Variants in IHO1 observed in about 807,000 individuals in gnomAD.
IHO1 encodes interactor of HORMAD1 protein 1.
A neutral mutation model predicts 31.0 loss-of-function variants in IHO1; 13 were observed. That is an observed-to-expected ratio of 0.42 (90% CI 0.27 to 0.67). IHO1 has a LOEUF of 0.67. Ranked by LOEUF, IHO1 falls within the 30% of genes least tolerant of loss-of-function variation. The pLI is 0.24. For missense variants in IHO1, 599 were observed against 687.5 expected (o/e 0.87, Z 1.44); for synonymous variants, 221 against 248.4 (o/e 0.89, Z 1.04).
intron 2 of IHO1, 70 bp from the exon 3 acceptor site, chr3:49,236,478 G>T: frequency 1.7e-6 from 2 of 1,162,068 alleles, no homozygotes; most frequent in Middle Eastern, 2.4e-4. Flanking sequence ...GAAATGGACA[G>T]CTGTGAACTA....
intron 2 of IHO1, among the ~76,000 whole-genome samples, chr3:49,214,632 A>ATTTTTTTTTT (rs3083884): frequency 5.8e-4 from 3 of 5,188 alleles, no homozygotes; most frequent in Non-Finnish European, 9.7e-4. Flanking sequence ...ATATATATAT[A>ATTTTTTTTTT]TTTTTTTTTT....
At chr3:49,225,629 C>A (rs2046408362) in intron 2 of IHO1, among the ~76,000 whole-genome samples, 1 of 152,152 alleles carries the variant, frequency 6.6e-6, no homozygotes, top group South Asian at 2.1e-4. Flanking sequence ...CCAGCTTTGG[C>A]TAATATATCC....
upstream of IHO1, among the ~76,000 whole-genome samples, chr3:49,195,544 C>T (rs1352756231): frequency 2.0e-5 from 3 of 150,828 alleles, no homozygotes; most frequent in African/African-American, 4.9e-5. Context: ...GGTGAAACCC[C>T]GTCTCTACTT....
At chr3:49,213,028 C>T (rs1003399976) in intron 2 of IHO1, among the ~76,000 whole-genome samples, 2 of 152,142 alleles carry the variant, frequency 1.3e-5, no homozygotes, top group Non-Finnish European at 2.9e-5. Context: ...TTGGTGTGTT[C>T]ACAATCCCTG....
At chr3:49,242,945 C>T (rs1238887135) in intron 4 of IHO1, among the ~76,000 whole-genome samples, 1 of 152,062 alleles carries the variant, frequency 6.6e-6, no homozygotes, top group Non-Finnish European at 1.5e-5. Context: ...AGGTTTGTTA[C>T]ATAGGTAGAC....
At chr3:49,214,808 A>C (rs1431006802) in intron 2 of IHO1, among the ~76,000 whole-genome samples, 1 of 148,040 alleles carries the variant, frequency 6.8e-6, no homozygotes, top group Non-Finnish European at 1.5e-5. Flanking sequence ...CCCAGCTAAT[A>C]TTTGTATTTT....
At chr3:49,245,661 C>G (rs987735254) in intron 6 of IHO1, 30 of 152,248 alleles carry the variant, frequency 2.0e-4, no homozygotes, top group African/African-American at 6.5e-4. Flanking sequence ...AAACGATGAG[C>G]TGATGACTAT....
chr3:49,209,473 A>T (rs1024017034), intron 1 of IHO1, among the ~76,000 whole-genome samples: 1 of 143,436 alleles, frequency 7.0e-6, no homozygotes, highest in African/African-American at 2.5e-5. Context: ...GTCTCTACTT[A>T]AAAAAAAAAA....
Position 49,257,275 on chromosome 3 carries a change from G to C in IHO1, c.1778G>C (p.Gly593Ala). 1 of 1,613,370 alleles carries C rather than the reference G, an allele frequency of 6.2e-7. No individual in the cohort carries two copies. The highest frequency in any genetic ancestry group is 8.5e-7 in the Non-Finnish European group (1 of 1,179,554). Residue 593 changes from glycine to alanine, a missense_variant, in exon 8 of 8, where the codon GGC (glycine) becomes GCC (alanine). Transcript: ENST00000452691. ...DLGFDSSDDD[G>A]F is the part of the protein sequence containing the mutation. ...GGTTTTGATAGCAGTGATGATGATG[G>C]CTTCTGACCAGTCCACAGTTGATTT... is the stretch of plus-strand genomic sequence containing the variant.
chr3:49,239,756 A>C (rs917196322), intron 3 of IHO1, among the ~76,000 whole-genome samples: 2 of 143,296 alleles, frequency 1.4e-5, no homozygotes, highest in African/African-American at 5.2e-5. Flanking sequence ...TCTGCCTTCC[A>C]GGTTTAAGCA....
intron 2 of IHO1, among the ~76,000 whole-genome samples, chr3:49,231,349 G>C (rs570867675): frequency 6.6e-6 from 1 of 152,262 alleles, no homozygotes; most frequent in South Asian, 2.1e-4. Flanking sequence ...TAACTAATTG[G>C]ATTCTCCCTA....
chr3:49,193,136 T>G, the IHO1 span, among the ~76,000 whole-genome samples: 1 of 151,752 alleles, frequency 6.6e-6, no homozygotes, highest in Non-Finnish European at 1.5e-5. Context: ...TTTGGGAGGT[T>G]GAAGTGGGCA....
chr3:49,241,217 A>T lies in IHO1; in HGVS notation c.232-9A>T. ...GTGTGAAATGCTATATATTTTTTTCATTTAACAGGGTGAACCTAGCATTTT... is the reference window on the plus strand; with the variant it reads ...GTGTGAAATGCTATATATTTTTTTCTTTTAACAGGGTGAACCTAGCATTTT... On this transcript the variant is annotated splice_polypyrimidine_tract_variant and intron_variant, in intron 3 of 7. Transcript: ENST00000452691. 1 of 1,577,174 alleles carries T rather than the reference A, an allele frequency of 6.3e-7. No individual in the cohort carries two copies. Among genetic ancestry groups the T allele is most frequent in the South Asian group, 1.2e-5 (1 of 85,250 alleles).
At chr3:49,200,686 C>A (rs944678513) in intron 1 of IHO1, 14 of 412,426 alleles carry the variant, frequency 3.4e-5, no homozygotes, top group Non-Finnish European at 4.6e-5. Context: ...ACTTTTTCTC[C>A]CCTTTTATGC....
intron 2 of IHO1, among the ~76,000 whole-genome samples, chr3:49,229,013 C>T (rs551160779): frequency 6.6e-6 from 1 of 152,248 alleles, no homozygotes; most frequent in East Asian, 1.9e-4. Flanking sequence ...CATTTACAAT[C>T]CTATAGCTAG....
intron 6 of IHO1, among the ~76,000 whole-genome samples, chr3:49,250,292 T>G (rs1417558689): frequency 6.6e-6 from 1 of 152,226 alleles, no homozygotes; most frequent in African/African-American, 2.4e-5. Context: ...TTTTCAGTTA[T>G]TTTCATAACT....
chr3:49,218,030 G>C (rs2046309965), intron 2 of IHO1, among the ~76,000 whole-genome samples: 2 of 152,216 alleles, frequency 1.3e-5, no homozygotes, highest in Non-Finnish European at 2.9e-5. Flanking sequence ...GTTTTATTCT[G>C]CAGCTTTCTC....
At chr3:49,245,219 C>T (rs2046679604) in intron 6 of IHO1, 1 of 175,154 alleles carries the variant, frequency 5.7e-6, no homozygotes, top group Non-Finnish European at 1.2e-5. Context: ...CAGAGTCTCG[C>T]TCTGTCACCC....
intron 1 of IHO1, among the ~76,000 whole-genome samples, chr3:49,211,256 C>T (rs1339605860): frequency 2.0e-5 from 3 of 152,090 alleles, no homozygotes; most frequent in African/African-American, 7.2e-5. Context: ...GATCCGCCCT[C>T]CTCGGCCTCC....
Sources: gnomAD v4.1 joint callset for allele counts (sites outside exome capture counted in the v4.1 genomes callset) on GRCh38, gnomAD v4.1.1 for gene constraint, MANE v1.5 for transcripts, NCBI Gene and HGNC (gene_info 2026-07-23, HGNC 2026-07-21) for gene names.